The following PDS5A variants were observed in gnomAD, a reference collection of about 807,000 sequenced individuals.
The protein encoded by PDS5A is PDS5 cohesin associated factor A.
In PDS5A, 42 loss-of-function variants were observed where a neutral mutation model predicts 167.1. The observed-to-expected ratio is 0.25, with a 90% confidence interval of 0.20 to 0.33. The LOEUF is 0.33. Among genes scored for constraint, PDS5A ranks in the 10% least tolerant of loss-of-function variants. The pLI is 1.00. For missense variants in PDS5A, 1,033 were observed against 1,605.9 expected, an observed-to-expected ratio of 0.64 and a Z score of 6.10; for synonymous variants, 553 against 554.6, an observed-to-expected ratio of 1.00 and a Z score of 0.04.
Position 39,908,533 on chromosome 4 carries a change from T to G in PDS5A, c.1095A>C (p.Leu365Phe). ...PDLAKDLTEY[L>F]KVRSHDPEEA... ...CTTCTGGATCATGTGATCTAACCTTTAAATATTCTGTAATAAGAGAAAAAA... is the reference window on the plus strand; with the variant it reads ...CTTCTGGATCATGTGATCTAACCTTGAAATATTCTGTAATAAGAGAAAAAA... The change falls in exon 11 of 33, where the codon TTA (leucine) becomes TTC (phenylalanine). Residue 365 changes from leucine to phenylalanine, a missense_variant. This residue lies in a region of PDS5A where 388 missense variants were observed against 615.1 expected (regional missense o/e 0.63). Coordinates refer to ENST00000303538, the MANE Select transcript of PDS5A (RefSeq NM_001100399.2). The G allele has an allele frequency of 6.4e-7, 1 of 1,568,682 alleles. No homozygotes were observed. The highest frequency in any genetic ancestry group is 8.7e-7 in the Non-Finnish European group (1 of 1,145,992).
chr4:39,884,611 T>G (rs1345005676), intron 17 of PDS5A, among the ~76,000 whole-genome samples: 1 of 152,220 alleles, frequency 6.6e-6, no homozygotes. Flanking sequence ...TTTAATCAAC[T>G]TCTGGATATC....
At chr4:39,950,132 C>T (rs961082058) in intron 2 of PDS5A, among the ~76,000 whole-genome samples, 4 of 152,218 alleles carry the variant, frequency 2.6e-5, no homozygotes, top group African/African-American at 9.6e-5. Flanking sequence ...GTCTCAAACT[C>T]CCAAGTGATC....
chr4:39,897,106 A>G (rs1269595007), intron 16 of PDS5A, among the ~76,000 whole-genome samples: 1 of 152,098 alleles, frequency 6.6e-6, no homozygotes, highest in African/African-American at 2.4e-5. Context: ...TACATCAAGA[A>G]TCTTTTGCCT....
chr4:39,838,289 T>G, intron 31 of PDS5A, 81 bp from the exon 32 acceptor site: 1 of 1,068,540 alleles, frequency 9.4e-7, no homozygotes, highest in East Asian at 2.6e-5. Flanking sequence ...GTTTTGAAAG[T>G]ATTTTAAAGG....
chr4:39,976,521 G>A lies in PDS5A; in HGVS notation c.57C>T (p.Ala19=), dbSNP rs757992006. The change falls in exon 2 of 33, where the codon GCC becomes GCT. Residue 19 remains alanine (A), a synonymous_variant. Coordinates refer to ENST00000303538, the MANE Select transcript of PDS5A (RefSeq NM_001100399.2). ...CCGGAGGGTAAGCGATCTTCCCGTC[G>A]GCACTCACGACGCCACAGAGGGCAG... The part of the protein sequence containing the change: ...PATALCGVVS[A]DGKIAYPPGV... 2 of 1,613,294 alleles carry A rather than the reference G, an allele frequency of 1.2e-6. No individual in the cohort carries two copies. The highest frequency in any genetic ancestry group is 2.7e-5 in the African/African-American group (2 of 74,904).
At chr4:39,954,106 C>T (rs1357629399) in intron 2 of PDS5A, among the ~76,000 whole-genome samples, 5 of 151,530 alleles carry the variant, frequency 3.3e-5, no homozygotes, top group Non-Finnish European at 7.4e-5. Context: ...TTTGGGAGGC[C>T]GAGGTGGGAG....
intron 31 of PDS5A, among the ~76,000 whole-genome samples, chr4:39,840,798 A>G (rs968122590): frequency 6.6e-6 from 1 of 152,154 alleles, no homozygotes; most frequent in African/African-American, 2.4e-5. Flanking sequence ...CTTGTCGCCC[A>G]GGCTGGAATG....
At chr4:39,972,973 C>T (rs1388356792) in intron 2 of PDS5A, among the ~76,000 whole-genome samples, 1 of 151,826 alleles carries the variant, frequency 6.6e-6, no homozygotes, top group East Asian at 1.9e-4. Context: ...GTTTGCTAGA[C>T]CTGGCATTTG....
chr4:39,939,206 C>G (rs574518226), intron 2 of PDS5A, among the ~76,000 whole-genome samples: 7 of 151,916 alleles, frequency 4.6e-5, no homozygotes, highest in African/African-American at 1.7e-4. Context: ...GGCTCATGCC[C>G]GTAATCACAC....
At chr4:39,956,295 T>C (rs1728918995) in intron 2 of PDS5A, among the ~76,000 whole-genome samples, 1 of 151,658 alleles carries the variant, frequency 6.6e-6, no homozygotes, top group South Asian at 2.1e-4. Flanking sequence ...AGTTGGAGAC[T>C]AGCCCGGCCA....
At chr4:39,925,811 CAG>C (rs759942969) in intron 5 of PDS5A, 23 bp downstream of exon 5, 2 of 913,206 alleles carry the variant, frequency 2.2e-6, no homozygotes, top group South Asian at 3.8e-5. Context: ...AAGAGACAAA[CAG>C]AAATGCTTAA....
At chr4:39,843,882 C>T (rs1055102760) in intron 30 of PDS5A, among the ~76,000 whole-genome samples, 3 of 150,884 alleles carry the variant, frequency 2.0e-5, no homozygotes, top group East Asian at 2.0e-4. Context: ...CAGTGGTTTG[C>T]GCCTGTAATC....
chr4:39,869,254 T>C (rs1719813472), intron 22 of PDS5A, 140 bp downstream of exon 22: 8 of 648,630 alleles, frequency 1.2e-5, no homozygotes, highest in Admixed American at 2.5e-5. Context: ...GAGGATCAGC[T>C]GAGCCCAGGA....
At chr4:39,829,744 G>A (rs1223822474) in intron 32 of PDS5A, among the ~76,000 whole-genome samples, 1 of 151,662 alleles carries the variant, frequency 6.6e-6, no homozygotes, top group Non-Finnish European at 1.5e-5. Context: ...AAGGTCAGGA[G>A]ATCAAGACCA....
At chr4:39,954,285 A>C (rs1578817112) in intron 2 of PDS5A, among the ~76,000 whole-genome samples, 1 of 151,950 alleles carries the variant, frequency 6.6e-6, no homozygotes, top group Admixed American at 6.6e-5. Flanking sequence ...GCTTGAGCCC[A>C]GGAGTTTGAG....
intron 9 of PDS5A, among the ~76,000 whole-genome samples, chr4:39,911,700 C>T (rs1036283284): frequency 1.5e-4 from 23 of 151,524 alleles, no homozygotes; most frequent in Admixed American, 6.6e-4. Context: ...GGCGCACTGG[C>T]GGGCGCCTGT....
chr4:39,849,602 C>A lies in PDS5A; in HGVS notation c.3137G>T (p.Ser1046Ile), dbSNP rs2109515719. 1 of 1,609,958 alleles carries A rather than the reference C, an allele frequency of 6.2e-7. No individual in the cohort carries two copies. The highest frequency in any genetic ancestry group is 1.3e-5 in the African/African-American group (1 of 74,926). The change falls in exon 27 of 33, where the codon AGC becomes ATC. Residue 1046 changes from serine to isoleucine, a missense_variant. Around this residue, in one of 4 missense-constraint regions of PDS5A, gnomAD observed 367 missense variants for 686.7 expected, o/e 0.53. Transcript: ENST00000303538. ...EVLMTKNENN[S>I]HAFMKKMAEN... is the part of the protein sequence containing the mutation. ...TGCCATCTTCTTCATAAAGGCATGGCTATTGTTTTCATTCTTTGTCATTAA... is the reference window on the plus strand; with the variant it reads ...TGCCATCTTCTTCATAAAGGCATGGATATTGTTTTCATTCTTTGTCATTAA...
At chr4:39,958,443 G>A (rs1008906068) in intron 2 of PDS5A, among the ~76,000 whole-genome samples, 1 of 148,650 alleles carries the variant, frequency 6.7e-6, no homozygotes, top group Admixed American at 6.8e-5. Flanking sequence ...GAAGGTGGAG[G>A]TTGCAGTGAG....
intron 11 of PDS5A, among the ~76,000 whole-genome samples, chr4:39,906,920 A>T (rs1723413296): frequency 8.4e-6 from 1 of 119,730 alleles, no homozygotes; most frequent in East Asian, 2.3e-4. Flanking sequence ...TCTTACATAA[A>T]AAAAAAAAAA....
Sources: gnomAD v4.1 joint callset for allele counts (sites outside exome capture counted in the v4.1 genomes callset) on GRCh38, gnomAD v4.1.1 for gene constraint, gnomAD v4.1.1 regional missense constraint, MANE v1.5 for transcripts, NCBI Gene and HGNC (gene_info 2026-07-23, HGNC 2026-07-21) for gene names.